MTTP: variants seen among roughly 807,000 people sequenced by gnomAD.
MTTP encodes microsomal triglyceride transfer protein large subunit.
Under a neutral mutation model 90.6 loss-of-function variants are expected in MTTP, and 49 were observed. The observed-to-expected ratio is 0.54, with a 90% CI of 0.43 to 0.69. MTTP has a LOEUF of 0.69. Ranked by LOEUF, MTTP falls within the 30% of genes least tolerant of loss-of-function variation. The pLI is 0.00. For missense variants in MTTP, 945 were observed against 1,067.5 expected (o/e 0.89, Z 1.60); for synonymous variants, 347 against 384.2 (o/e 0.90, Z 1.13).
intron 7 of MTTP, 131 bp downstream of exon 7, chr4:99,595,014 C>T: frequency 1.9e-6 from 2 of 1,036,376 alleles, no homozygotes; most frequent in South Asian, 1.4e-5. Flanking sequence ...GTTGTGATGA[C>T]AGCAGTCTCA....
chr4:99,593,023 G>A (rs1175336135), intron 6 of MTTP, among the ~76,000 whole-genome samples: 1 of 152,170 alleles, frequency 6.6e-6, no homozygotes, highest in Non-Finnish European at 1.5e-5. Context: ...CACTAGGCAA[G>A]AGGAATGTTT....
chr4:99,569,428 G>C (rs1475857062), intron 1 of MTTP, among the ~76,000 whole-genome samples: 1 of 149,358 alleles, frequency 6.7e-6, no homozygotes, highest in Non-Finnish European at 1.5e-5. Flanking sequence ...ATGAATTTTA[G>C]TTAATAATAT....
upstream of MTTP, among the ~76,000 whole-genome samples, chr4:99,570,102 T>C (rs540693685): frequency 1.5e-3 from 232 of 152,064 alleles, 1 homozygote; most frequent in African/African-American, 5.4e-3. Context: ...CATACTTTCT[T>C]TGCTCTTCAT....
At position 99,575,599 on chromosome 4, in the gene MTTP, T is replaced by C. The variant is rs1724937055; in HGVS notation, c.61+629T>C. On this transcript the variant is annotated intron_variant, in intron 1 of 17. Coordinates refer to ENST00000265517, the MANE Select transcript of MTTP (RefSeq NM_001386140.1). ...ATGTTGCTACTTACAGTTTCTATTT[T>C]AAGATGAAATTAATTTTAAAAATAC... Among the ~76,000 whole-genome samples, 6 of 152,330 alleles carry C rather than the reference T, an allele frequency of 3.9e-5. No individual in the cohort carries two copies. The South Asian group carries it at 1.2e-3, about 32-fold the overall frequency.
At chr4:99,621,040 C>CT in intron 16 of MTTP, 21 bp from the exon 17 acceptor site, 1 of 1,611,564 alleles carries the variant, frequency 6.2e-7, no homozygotes, top group Non-Finnish European at 8.5e-7. Flanking sequence ...CAAGTTTTTT[C>CT]TTTTTTTCTC....
chr4:99,573,102 C>T (rs1313663020), upstream of MTTP, among the ~76,000 whole-genome samples: 1 of 152,016 alleles, frequency 6.6e-6, no homozygotes, highest in African/African-American at 2.4e-5. Context: ...AGTACTTTAC[C>T]CGAAGGGCAC....
chr4:99,605,922 G>T (rs1353513211), intron 10 of MTTP, among the ~76,000 whole-genome samples: 2 of 135,644 alleles, frequency 1.5e-5, no homozygotes, highest in African/African-American at 3.1e-5. Flanking sequence ...TGTGCTTGTA[G>T]CCTAATTTCA....
intron 1 of MTTP, among the ~76,000 whole-genome samples, chr4:99,578,355 A>G (rs1229303869): frequency 1.4e-4 from 21 of 152,302 alleles, no homozygotes. Flanking sequence ...ACTATCCTAC[A>G]AAAGGAATTA....
At chr4:99,606,204 T>A (rs964726889) in intron 10 of MTTP, among the ~76,000 whole-genome samples, 11 of 152,172 alleles carry the variant, frequency 7.2e-5, no homozygotes, top group African/African-American at 2.4e-4. Context: ...GAAAAGTACC[T>A]AGTAAAGTAC....
Position 99,622,701 on chromosome 4 carries a change from G to A in MTTP, c.2538G>A (p.Arg846=), listed in dbSNP as rs770189241. The A allele has an allele frequency of 6.2e-7, 1 of 1,613,990 alleles. No homozygotes were observed. The highest frequency in any genetic ancestry group is 8.5e-7 in the Non-Finnish European group (1 of 1,179,918). ...GGCAATTTGAGAAAAAGTACGAAAG[G>A]CTGTCCACAGGCAGAGGTTATGTCT... The part of the protein sequence containing the change: ...PFRQFEKKYE[R]LSTGRGYVSQ... The change falls in exon 18 of 18, where the codon AGG becomes AGA. Residue 846 remains arginine, a synonymous_variant. Transcript: ENST00000265517.
At chr4:99,618,311 A>G (rs1726145990) in intron 15 of MTTP, among the ~76,000 whole-genome samples, 1 of 152,172 alleles carries the variant, frequency 6.6e-6, no homozygotes, top group Admixed American at 6.5e-5. Flanking sequence ...TAACGGACAA[A>G]CACACTCCAC....
Position 99,589,709 on chromosome 4 carries a change from A to G in MTTP, c.460A>G (p.Ser154Gly). The stretch of plus-strand genomic sequence containing the variant: ...AGAAAATATCAAGAGAGGTCTGGCT[A>G]GCCTATTTCAGACACAGTTAAGCTC... ...AIENIKRGLA[S>G]LFQTQLSSGT... Residue 154 changes from serine to glycine, a missense_variant, in exon 4 of 18, where the codon AGC (serine) becomes GGC (glycine). By Grantham distance (56) the Ser-to-Gly change is moderately conservative (BLOSUM62 0). Coordinates refer to ENST00000265517, the MANE Select transcript of MTTP (RefSeq NM_001386140.1). 6.2e-7 allele frequency: 1 copy of G among 1,606,736 alleles called. No individual in the cohort carries two copies. The highest frequency in any genetic ancestry group is 8.5e-7 in the Non-Finnish European group (1 of 1,173,768).
chr4:99,608,275 T>C (rs1725867407), intron 11 of MTTP, among the ~76,000 whole-genome samples: 1 of 151,658 alleles, frequency 6.6e-6, no homozygotes. Flanking sequence ...TGAAACCCCA[T>C]CTCTACTAAA....
chr4:99,594,132 C>T (rs1452203903), intron 6 of MTTP, among the ~76,000 whole-genome samples: 2 of 152,108 alleles, frequency 1.3e-5, no homozygotes, highest in African/African-American at 2.4e-5. Context: ...CTCAAGGCTC[C>T]GAAGCACATG....
intron 14 of MTTP, among the ~76,000 whole-genome samples, 186 bp from the exon 15 acceptor site, chr4:99,612,727 G>A (rs936441081): frequency 3.9e-5 from 6 of 152,148 alleles, no homozygotes; most frequent in Non-Finnish European, 5.9e-5. Flanking sequence ...AGGATTCAAT[G>A]AAAAACTAAC....
At chr4:99,572,070 G>A (rs895796780), upstream of MTTP, among the ~76,000 whole-genome samples, 2 of 151,510 alleles carry the variant, frequency 1.3e-5, no homozygotes, top group Admixed American at 6.6e-5. Context: ...AAGAAAATAC[G>A]TTAACTCCTG....
chr4:99,613,353 T>C (rs955723916), intron 15 of MTTP, among the ~76,000 whole-genome samples: 1 of 152,164 alleles, frequency 6.6e-6, no homozygotes, highest in Non-Finnish European at 1.5e-5. Flanking sequence ...GTGCCTTTAA[T>C]TGGAGGCAAA....
chr4:99,587,907 T>C (rs962051568), intron 3 of MTTP, among the ~76,000 whole-genome samples: 1 of 152,164 alleles, frequency 6.6e-6, no homozygotes, highest in East Asian at 1.9e-4. Context: ...GTCTGAGATA[T>C]TGCCAGTGAT....
upstream of MTTP, among the ~76,000 whole-genome samples, chr4:99,573,094 T>C (rs774150934): frequency 6.6e-6 from 1 of 152,098 alleles, no homozygotes; most frequent in Non-Finnish European, 1.5e-5. Context: ...CAACGAATAG[T>C]ACTTTACCCG....
Sources: gnomAD v4.1 joint callset for allele counts (sites outside exome capture counted in the v4.1 genomes callset) on GRCh38, gnomAD v4.1.1 for gene constraint, MANE v1.5 for transcripts, NCBI Gene and HGNC (gene_info 2026-07-23, HGNC 2026-07-21) for gene names.